Variants in IQGAP2 observed in about 807,000 individuals in gnomAD.
IQGAP2 encodes ras GTPase-activating-like protein IQGAP2.
IQGAP2 carries 173 observed loss-of-function variants against 201.3 expected under a neutral mutation model. That is an observed-to-expected ratio of 0.86 (90% CI 0.76 to 0.98). IQGAP2 has a LOEUF of 0.98. Ranked by LOEUF, IQGAP2 falls within the 50% of genes least tolerant of loss-of-function variation. IQGAP2 has a pLI of 0.00. For synonymous variants in IQGAP2, 675 were observed against 673.9 expected, an observed-to-expected ratio of 1.00 and a Z score of -0.03; for missense variants, 1,687 against 1,864.8, an observed-to-expected ratio of 0.90 and a Z score of 1.76.
rs765148466 is a variant in IQGAP2 at position 76,611,162 on chromosome 5, T to C, written c.1500T>C (p.His500=). The part of the protein sequence containing the change: ...HAQHYQDVLY[H]AKSQKLGDSE... The stretch of plus-strand genomic sequence containing the variant: ...AGCACTACCAGGATGTTTTATACCA[T>C]GCTAAATCACAGAAACTCGGAGTAA... The change falls in exon 13 of 36, where the codon CAT becomes CAC. Residue 500 remains histidine, a synonymous_variant. Transcript: ENST00000274364. 21 of 1,609,534 alleles carry C rather than the reference T, an allele frequency of 1.3e-5. No homozygotes were observed. The highest frequency in any genetic ancestry group is 5.6e-5 in the South Asian group (5 of 89,906).
At chr5:76,429,465 G>A (rs532916601) in intron 1 of IQGAP2, among the ~76,000 whole-genome samples, 114 of 151,132 alleles carry the variant, frequency 7.5e-4, no homozygotes, top group Middle Eastern at 3.4e-3. Context: ...CCAGCTACTT[G>A]GGGGGCTGAG....
At chr5:76,559,754 C>T (rs1744226722) in intron 2 of IQGAP2, among the ~76,000 whole-genome samples, 1 of 152,112 alleles carries the variant, frequency 6.6e-6, no homozygotes, top group South Asian at 2.1e-4. Flanking sequence ...TGTGGTCTCC[C>T]CAGGTCTGCG....
At chr5:76,407,414 G>A (rs879332992) in intron 1 of IQGAP2, among the ~76,000 whole-genome samples, 6 of 152,228 alleles carry the variant, frequency 3.9e-5, no homozygotes, top group Non-Finnish European at 7.3e-5. Flanking sequence ...TGAAATTTAA[G>A]TTCTGAAGTA....
intron 18 of IQGAP2, among the ~76,000 whole-genome samples, chr5:76,653,303 A>G (rs1281416623): frequency 6.6e-6 from 1 of 152,210 alleles, no homozygotes; most frequent in African/African-American, 2.4e-5. Context: ...TGGGTGAGAA[A>G]GAAAGGGTAC....
intron 2 of IQGAP2, among the ~76,000 whole-genome samples, chr5:76,485,656 C>T (rs1237951523): frequency 6.6e-6 from 1 of 152,126 alleles, no homozygotes; most frequent in Non-Finnish European, 1.5e-5. Flanking sequence ...TCCATGTAGT[C>T]ATTGGAGAAG....
intron 1 of IQGAP2, among the ~76,000 whole-genome samples, chr5:76,450,123 G>A (rs941684031): frequency 6.6e-6 from 1 of 152,188 alleles, no homozygotes; most frequent in Non-Finnish European, 1.5e-5. Flanking sequence ...CAAAATGTTT[G>A]CAGCTTTGTT....
intron 30 of IQGAP2, among the ~76,000 whole-genome samples, chr5:76,687,820 T>C (rs1580823241): frequency 1.3e-5 from 2 of 152,312 alleles, no homozygotes; most frequent in South Asian, 4.1e-4. Context: ...GGGCATCCAC[T>C]CATTCTGTAT....
chr5:76,609,072 A>G (rs907434680), intron 12 of IQGAP2: 2 of 1,528,848 alleles, frequency 1.3e-6, no homozygotes, highest in South Asian at 1.2e-5. Flanking sequence ...TTCAGCTCCT[A>G]TGATGTCATT....
At chr5:76,488,779 A>T (rs1252852527) in intron 2 of IQGAP2, among the ~76,000 whole-genome samples, 2 of 152,202 alleles carry the variant, frequency 1.3e-5, no homozygotes, top group Non-Finnish European at 2.9e-5. Context: ...TATTAGGAAG[A>T]TTAGCCATCT....
At chr5:76,412,743 TTGTC>T (rs1751191906) in intron 1 of IQGAP2, among the ~76,000 whole-genome samples, 1 of 152,200 alleles carries the variant, frequency 6.6e-6, no homozygotes, top group Non-Finnish European at 1.5e-5. Flanking sequence ...GAGGAATTTA[TTGTC>T]TGTCTAATTA....
chr5:76,627,453 A>G lies in IQGAP2; in HGVS notation c.1565A>G (p.Gln522Arg). ...VSKVLWLDEI[Q>R]QAVDDANVDK... ...AAAGTGCTTTGGCTGGATGAGATAC[A>G]GCAAGCCGTCGATGATGCCAACGTG... is the stretch of plus-strand genomic sequence containing the variant. Residue 522 changes from glutamine to arginine, a missense_variant, in exon 14 of 36, where the codon CAG becomes CGG. Coordinates refer to ENST00000274364, the MANE Select transcript of IQGAP2 (RefSeq NM_006633.5). The G allele has an allele frequency of 1.9e-6, 3 of 1,604,054 alleles. No homozygotes were observed. The highest frequency in any genetic ancestry group is 2.6e-6 in the Non-Finnish European group (3 of 1,170,858).
intron 5 of IQGAP2, among the ~76,000 whole-genome samples, chr5:76,582,361 A>G (rs1353892157): frequency 2.0e-5 from 3 of 152,210 alleles, no homozygotes; most frequent in African/African-American, 4.8e-5. Flanking sequence ...GGCCTTGGGA[A>G]GTTATTGTAG....
At chr5:76,413,900 C>T (rs1352315524) in intron 1 of IQGAP2, among the ~76,000 whole-genome samples, 1 of 152,130 alleles carries the variant, frequency 6.6e-6, no homozygotes, top group African/African-American at 2.4e-5. Context: ...CAACCCAGTC[C>T]TGTGGGAGTT....
At position 76,482,907 on chromosome 5, in the gene IQGAP2, G is replaced by A. The variant is rs896598489; in HGVS notation, c.146+21238G>A. 4.6e-5 allele frequency among the ~76,000 whole-genome samples: 7 copies of A among 152,136 alleles called. No individual in the cohort carries two copies. In the East Asian group the frequency reaches 1.3e-3, roughly 29 times the overall value. ...CCTTGAGCAAAGCACTGTCTCTGTG[G>A]CTCAACTTCTGAATTTATGAAATGG... On this transcript the variant is annotated intron_variant, in intron 2 of 35. Transcript: ENST00000274364.
chr5:76,522,303 C>T lies in IQGAP2; in HGVS notation c.147-40093C>T, dbSNP rs1758733651. 1.3e-5 allele frequency among the ~76,000 whole-genome samples: 2 copies of T among 152,060 alleles called. 1 individual carries two copies. The highest frequency in any genetic ancestry group is 4.1e-4 in the South Asian group (2 of 4,826). ...GTTCAACCAATTCTCCTACCTCAGC[C>T]TCCTGAGTAGCTGGGATTATAGGTG... On this transcript the variant is annotated intron_variant, in intron 2 of 35. Transcript: ENST00000274364.
chr5:76,408,363 C>A (rs1316419243), intron 1 of IQGAP2, among the ~76,000 whole-genome samples: 1 of 152,156 alleles, frequency 6.6e-6, no homozygotes, highest in African/African-American at 2.4e-5. Flanking sequence ...CTGTTATCAT[C>A]GGCTCATTAT....
At chr5:76,643,676 T>C (rs1160981428) in intron 17 of IQGAP2, among the ~76,000 whole-genome samples, 1 of 152,132 alleles carries the variant, frequency 6.6e-6, no homozygotes, top group Admixed American at 6.5e-5. Context: ...AAAGCTAGTA[T>C]ACTACTTTTT....
At chr5:76,551,990 C>G (rs1370952987) in intron 2 of IQGAP2, among the ~76,000 whole-genome samples, 1 of 152,072 alleles carries the variant, frequency 6.6e-6, no homozygotes, top group Non-Finnish European at 1.5e-5. Context: ...GCCTCACCCT[C>G]TCACACTGAG....
intron 17 of IQGAP2, among the ~76,000 whole-genome samples, chr5:76,644,912 C>T (rs1169135682): frequency 6.6e-6 from 1 of 152,146 alleles, no homozygotes; most frequent in Non-Finnish European, 1.5e-5. Context: ...AGGTTTGTTA[C>T]ATAGGTATAC....
Sources: gnomAD v4.1 joint callset for allele counts (sites outside exome capture counted in the v4.1 genomes callset) on GRCh38, gnomAD v4.1.1 for gene constraint, MANE v1.5 for transcripts, NCBI Gene and HGNC (gene_info 2026-07-23, HGNC 2026-07-21) for gene names.